ESRRG: variants seen among roughly 807,000 people sequenced by gnomAD.
ESRRG encodes estrogen related receptor gamma, also known as estrogen-related receptor gamma.
In ESRRG, 13 loss-of-function variants were observed where a neutral mutation model predicts 44.0. That is an observed-to-expected ratio of 0.30 (90% CI 0.19 to 0.47). ESRRG has a LOEUF of 0.47. ESRRG is among the 20% of genes least tolerant of loss of function. The pLI, the probability that ESRRG is intolerant of heterozygous loss-of-function variation, is 1.00. For missense variants in ESRRG, 395 were observed against 580.6 expected (o/e 0.68, Z 3.29); for synonymous variants, 215 against 214.6 (o/e 1.00, Z -0.02).
At chr1:216,522,925 A>G (rs897396047) in intron 5 of ESRRG, among the ~76,000 whole-genome samples, 1 of 152,188 alleles carries the variant, frequency 6.6e-6, no homozygotes, top group Non-Finnish European at 1.5e-5. Context: ...CTCTTGGGCT[A>G]CAAGTTAGAG....
intron 1 of ESRRG, among the ~76,000 whole-genome samples, chr1:216,984,863 C>T (rs890529489): frequency 8.5e-5 from 13 of 152,218 alleles, no homozygotes; most frequent in Non-Finnish European, 1.6e-4. Flanking sequence ...ATCCCATTAA[C>T]ACATATATGT....
At chr1:217,097,649 T>C (rs1228239631) in intron 1 of ESRRG, among the ~76,000 whole-genome samples, 1 of 151,986 alleles carries the variant, frequency 6.6e-6, no homozygotes, top group Non-Finnish European at 1.5e-5. Flanking sequence ...AGTATCGGGG[T>C]TATTGGGAAA....
intron 2 of ESRRG, among the ~76,000 whole-genome samples, chr1:216,760,037 G>T (rs1413327677): frequency 6.6e-6 from 1 of 151,948 alleles, no homozygotes; most frequent in Non-Finnish European, 1.5e-5. Flanking sequence ...CCTCTGATTG[G>T]TTTCCACGGC....
rs1560083647 is a variant in ESRRG at position 216,912,189 on chromosome 1, AGGAGAGGAGAGG to A, written c.-14+27381_-14+27392del. ...AGAAAAGAAAAGAAAAGAAAAGGAG[AGGAGAGGAGAGG>A]AGAGGAGAGGAGAGGAGAGGAGAGG... On this transcript the variant is annotated intron_variant, in intron 2 of 7. Coordinates refer to the ESRRG transcript ENST00000359162. 1.4e-3 allele frequency among the ~76,000 whole-genome samples: 57 copies of A among 41,108 alleles called. 1 individual carries two copies. The highest frequency in any genetic ancestry group is 6.2e-3 in the African/African-American group (53 of 8,578). The allele number at this position is 41,108 out of a possible 152,430, so 27.0% of individuals were successfully genotyped here. A position where few individuals can be genotyped will look rare whatever the true frequency, so the allele number is the denominator to read the frequency against.
chr1:217,066,407 A>C (rs2151407707), intron 1 of ESRRG, among the ~76,000 whole-genome samples: 1 of 151,558 alleles, frequency 6.6e-6, no homozygotes, highest in African/African-American at 2.4e-5. Context: ...GGTGCCCACT[A>C]ATTTTTTGTA....
chr1:216,693,958 A>G (rs1039743676), intron 1 of ESRRG, among the ~76,000 whole-genome samples: 1 of 152,238 alleles, frequency 6.6e-6, no homozygotes, highest in African/African-American at 2.4e-5. Flanking sequence ...AGTGTTGTTC[A>G]TACAATCTCA....
At chr1:216,735,958 A>G (rs187651829) in intron 2 of ESRRG, among the ~76,000 whole-genome samples, 7 of 136,182 alleles carry the variant, frequency 5.1e-5, no homozygotes, top group African/African-American at 1.7e-4. Context: ...AGCCTAGGCG[A>G]CAGAGCAATA....
intron 2 of ESRRG, among the ~76,000 whole-genome samples, chr1:216,821,859 G>C (rs977667369): frequency 2.0e-5 from 3 of 151,866 alleles, no homozygotes; most frequent in African/African-American, 7.3e-5. Context: ...CTGGTGGATA[G>C]TATTATAGTG....
At chr1:216,923,812 A>G (rs543682820) in intron 2 of ESRRG, among the ~76,000 whole-genome samples, 1 of 152,258 alleles carries the variant, frequency 6.6e-6, no homozygotes, top group South Asian at 2.1e-4. Flanking sequence ...CCTCTTTAAC[A>G]CTGAATTGGA....
chr1:216,844,786 G>A (rs1447950225), intron 2 of ESRRG, among the ~76,000 whole-genome samples: 1 of 151,544 alleles, frequency 6.6e-6, no homozygotes, highest in East Asian at 1.9e-4. Flanking sequence ...TGTGTGTGGT[G>A]TGCACACATG....
chr1:217,093,834 GC>G (rs1356152632), upstream of ESRRG, among the ~76,000 whole-genome samples: 1 of 150,310 alleles, frequency 6.7e-6, no homozygotes, highest in African/African-American at 2.4e-5. Flanking sequence ...TTACAAAACT[GC>G]CCTTTTTTAA....
At chr1:217,012,055 G>A (rs1298713925) in intron 1 of ESRRG, among the ~76,000 whole-genome samples, 2 of 152,138 alleles carry the variant, frequency 1.3e-5, no homozygotes, top group East Asian at 3.9e-4. Flanking sequence ...TTTTTAAGAA[G>A]ATGAGTACAC....
chr1:216,548,551 C>T (rs2055274706), intron 5 of ESRRG, among the ~76,000 whole-genome samples: 1 of 152,218 alleles, frequency 6.6e-6, no homozygotes, highest in South Asian at 2.1e-4. Context: ...CCTTCACATA[C>T]ATTTGACACC....
intron 1 of ESRRG, among the ~76,000 whole-genome samples, chr1:216,700,263 C>G (rs1000865144): frequency 1.3e-5 from 2 of 152,086 alleles, no homozygotes; most frequent in Non-Finnish European, 2.9e-5. Flanking sequence ...GCTATTTTCA[C>G]TTTTAAAAAA....
At chr1:217,051,104 T>C (rs2085880119) in intron 1 of ESRRG, among the ~76,000 whole-genome samples, 1 of 150,802 alleles carries the variant, frequency 6.6e-6, no homozygotes, top group Non-Finnish European at 1.5e-5. Flanking sequence ...TTATTTCATA[T>C]CCAGGATCTA....
At chr1:216,923,167 C>A (rs1222222978) in intron 2 of ESRRG, among the ~76,000 whole-genome samples, 2 of 152,118 alleles carry the variant, frequency 1.3e-5, no homozygotes, top group Non-Finnish European at 2.9e-5. Context: ...TTTCATTAGC[C>A]CCCTGCTTAT....
Position 216,912,176 on chromosome 1 carries a change from AAAAGAAAAGGAGAGGAGAGGAGAGG to A in ESRRG, c.-14+27381_-14+27405del, listed in dbSNP as rs2060478018. 6.0e-4 allele frequency among the ~76,000 whole-genome samples: 18 copies of A among 30,080 alleles called. 2 individuals carry two copies. Among genetic ancestry groups the A allele is most frequent in the African/African-American group, 1.9e-3 (12 of 6,164 alleles). 19.7% of individuals were successfully genotyped at this position (30,080 alleles called of 152,430 possible). A position where few individuals can be genotyped will look rare whatever the true frequency, so the allele number is the denominator to read the frequency against. The stretch of plus-strand genomic sequence containing the variant: ...AAAAGAAAAGAAAAGAAAAGAAAAG[AAAAGAAAAGGAGAGGAGAGGAGAGG>A]AGAGGAGAGGAGAGGAGAGGAGAGG... On this transcript the variant is annotated intron_variant, in intron 2 of 7. Transcript: ENST00000359162.
chr1:216,533,327 GA>G (rs1451580452), intron 5 of ESRRG, among the ~76,000 whole-genome samples: 1 of 152,230 alleles, frequency 6.6e-6, no homozygotes, highest in African/African-American at 2.4e-5. Context: ...GATAATAAAT[GA>G]AAACGGTAAA....
At chr1:216,626,433 C>A (rs983036167) in intron 3 of ESRRG, among the ~76,000 whole-genome samples, 2 of 152,212 alleles carry the variant, frequency 1.3e-5, no homozygotes, top group African/African-American at 4.8e-5. Flanking sequence ...GTTTCATCTG[C>A]AGTCCAGATC....
Sources: allele counts gnomAD v4.1 joint callset (sites outside exome capture counted in the v4.1 genomes callset), GRCh38; gene constraint gnomAD v4.1.1; transcripts MANE v1.5; gene names NCBI Gene and HGNC (gene_info 2026-07-23, HGNC 2026-07-21).